The following PRKN variants were observed in gnomAD, a reference collection of about 807,000 sequenced individuals.
PRKN encodes E3 ubiquitin-protein ligase parkin.
PRKN carries 56 observed loss-of-function variants against 59.5 expected under a neutral mutation model. That is an observed-to-expected ratio of 0.94 (90% CI 0.76 to 1.18). PRKN has a LOEUF of 1.18. Ranked by LOEUF, PRKN falls within the 50% of genes most tolerant of loss-of-function variation. The pLI, the probability that PRKN is intolerant of heterozygous loss-of-function variation, is 0.00. For missense variants in PRKN, 657 were observed against 596.4 expected (o/e 1.10, Z -1.06); for synonymous variants, 250 against 222.1 (o/e 1.13, Z -1.12).
chr6:162,602,663 G>T (rs950876139), intron 1 of PRKN, among the ~76,000 whole-genome samples: 1 of 152,222 alleles, frequency 6.6e-6, no homozygotes, highest in Non-Finnish European at 1.5e-5. Context: ...TATCATAGAA[G>T]TGGGCTAGAA....
Position 161,402,054 on chromosome 6 carries a change from C to T in PRKN, c.1084-15177G>A, listed in dbSNP as rs1562422873. Among the ~76,000 whole-genome samples the T allele has an allele frequency of 6.6e-6, 1 of 152,140 alleles. No individual in the cohort carries two copies. Among genetic ancestry groups the T allele is most frequent in the Non-Finnish European group, 1.5e-5 (1 of 68,024 alleles). On this transcript the variant is annotated intron_variant, in intron 9 of 11. Coordinates refer to ENST00000366898, the MANE Select transcript of PRKN (RefSeq NM_004562.3). This position sits in a 1 kb window ranked among gnomAD's most constrained non-coding sequence, Gnocchi z 4.5. ...ATGCATCTCTGCCATGACTATCAGACAATGGTGAGAGCCAGAACCACTTAG... is the reference window on the plus strand; with the variant it reads ...ATGCATCTCTGCCATGACTATCAGATAATGGTGAGAGCCAGAACCACTTAG...
In PRKN at chr6:161,372,395, T is replaced by C. The variant is rs1343215734; in HGVS notation, c.1168-12190A>G. 6.6e-6 allele frequency among the ~76,000 whole-genome samples: 1 copy of C among 152,240 alleles called. No homozygotes were observed. Among genetic ancestry groups the C allele is most frequent in the East Asian group, 1.9e-4 (1 of 5,200 alleles). On this transcript the variant is annotated intron_variant, in intron 10 of 11. Coordinates refer to ENST00000366898, the MANE Select transcript of PRKN (RefSeq NM_004562.3). The surrounding 1 kb of genome is among the most constrained non-coding windows in gnomAD (Gnocchi z 4.2). The stretch of plus-strand genomic sequence containing the variant: ...AGGGGTCAAAGCCGACCACAGAGCC[T>C]ACCTTTTGTGCAAAGTATAGTTATT...
At chr6:162,147,344 GAAAAAAAA>G (rs767653516) in intron 4 of PRKN, among the ~76,000 whole-genome samples, 1 of 42,062 alleles carries the variant, frequency 2.4e-5, no homozygotes, top group African/African-American at 7.6e-5. Flanking sequence ...CTCTGTCTCA[GAAAAAAAA>G]AAAAAAAAAA....
At chr6:162,668,758 G>C (rs2128229784) in intron 1 of PRKN, among the ~76,000 whole-genome samples, 1 of 152,248 alleles carries the variant, frequency 6.6e-6, no homozygotes, top group South Asian at 2.1e-4. Context: ...GTGGCACCTG[G>C]TCATGAGAAG....
chr6:162,024,792 C>A (rs1442470495), intron 5 of PRKN, among the ~76,000 whole-genome samples: 1 of 152,030 alleles, frequency 6.6e-6, no homozygotes, highest in African/African-American at 2.4e-5. Flanking sequence ...TTGAGTTCAT[C>A]GAAGACCTGA....
intron 3 of PRKN, among the ~76,000 whole-genome samples, chr6:162,230,615 C>T (rs1778380115): frequency 6.6e-6 from 1 of 152,186 alleles, no homozygotes; most frequent in South Asian, 2.1e-4. Context: ...TGTTCTAATA[C>T]AGAACAGCAT....
chr6:162,609,643 C>A (rs1782062633), intron 1 of PRKN, among the ~76,000 whole-genome samples: 1 of 152,272 alleles, frequency 6.6e-6, no homozygotes, highest in Admixed American at 6.5e-5. Flanking sequence ...TCAACACAAA[C>A]TTTGGATATT....
rs73594241 is a variant in PRKN, at chr6:162,185,511, G to C, written c.534+15620C>G. 7.4e-3 allele frequency among the ~76,000 whole-genome samples: 1,126 copies of C among 152,274 alleles called. 10 individuals carry two copies. Among genetic ancestry groups the C allele is most frequent in the African/African-American group, 0.026 (1,063 of 41,544 alleles). ...AAACAACAGGAAGGACAAGAGTTTA[G>C]GTCAAGAGGTTCCGGTGTTATCTGC... On this transcript the variant is annotated intron_variant, in intron 4 of 11. Coordinates refer to ENST00000366898, the MANE Select transcript of PRKN (RefSeq NM_004562.3).
rs1024495940 is a variant in PRKN, at chr6:161,484,976, G to A, written c.1083+63878C>T. 6.6e-6 allele frequency among the ~76,000 whole-genome samples: 1 copy of A among 152,140 alleles called. No individual in the cohort carries two copies. The highest frequency in any genetic ancestry group is 1.5e-5 in the Non-Finnish European group (1 of 68,042). ...CCTGCTTCTTTGAGGCAAAAATCAG[G>A]TCGGACTAGCATCAGTGGCAAAGGA... On this transcript the variant is annotated intron_variant, in intron 9 of 11. Transcript: ENST00000366898. This position sits in a 1 kb window ranked among gnomAD's most constrained non-coding sequence, Gnocchi z 4.9.
chr6:161,411,692 CCACTCATTCCTTCCT>C lies in PRKN; in HGVS notation c.1084-24830_1084-24816del, dbSNP rs751042317. 1.6e-4 allele frequency among the ~76,000 whole-genome samples: 25 copies of C among 151,968 alleles called. 1 individual carries two copies. Among genetic ancestry groups the C allele is most frequent in the East Asian group, 3.9e-4 (2 of 5,144 alleles). The stretch of plus-strand genomic sequence containing the variant: ...CTCATTCCCCCACTTATGCATTCTT[CCACTCATTCCTTCCT>C]CACTCATTCCTTCCTCACTCATTCC... On this transcript the variant is annotated intron_variant, in intron 9 of 11. Transcript: ENST00000366898.
At chr6:162,249,505 C>T (rs187928901) in intron 3 of PRKN, among the ~76,000 whole-genome samples, 82 of 152,294 alleles carry the variant, frequency 5.4e-4, no homozygotes, top group African/African-American at 1.8e-3. Flanking sequence ...TATTAGAGTC[C>T]TGTTCCTGAG....
intron 7 of PRKN, among the ~76,000 whole-genome samples, chr6:161,664,512 A>G (rs182444401): frequency 6.7e-6 from 1 of 150,116 alleles, no homozygotes; most frequent in African/African-American, 2.4e-5. Context: ...CCTTTAAAAT[A>G]CAGCCTAATA....
chr6:161,931,109 C>T (rs921399553), intron 6 of PRKN, among the ~76,000 whole-genome samples: 5 of 152,130 alleles, frequency 3.3e-5, no homozygotes, highest in African/African-American at 9.7e-5. Flanking sequence ...TTTGAATGAA[C>T]GAATGAATGA....
intron 6 of PRKN, among the ~76,000 whole-genome samples, chr6:161,795,183 C>A (rs562993751): frequency 6.6e-6 from 1 of 150,970 alleles, no homozygotes; most frequent in Admixed American, 6.6e-5. Flanking sequence ...CGTGCCTGGC[C>A]TAACTTAGTA....
intron 2 of PRKN, among the ~76,000 whole-genome samples, chr6:162,334,576 G>A (rs1262650121): frequency 2.6e-5 from 4 of 152,146 alleles, no homozygotes; most frequent in African/African-American, 7.2e-5. Context: ...CTGGTCACCC[G>A]AAAGATACAC....
intron 9 of PRKN, among the ~76,000 whole-genome samples, chr6:161,408,442 T>A (rs1225413436): frequency 2.0e-5 from 3 of 151,134 alleles, no homozygotes; most frequent in African/African-American, 7.3e-5. Context: ...AAAAATCCCA[T>A]GTCCAGCCAC....
Position 161,957,405 on chromosome 6 carries a change from T to C in PRKN, c.734+15897A>G, listed in dbSNP as rs182868311. ...TCTGTTTTTATTTTTTTGTTGTTCT[T>C]GTTGTTTTTTTTTTGTTTGTTTGTT... On this transcript the variant is annotated intron_variant, in intron 6 of 11. Transcript: ENST00000366898. 2.9e-5 allele frequency among the ~76,000 whole-genome samples: 4 copies of C among 137,594 alleles called. No homozygotes were observed. In the East Asian group the frequency reaches 6.2e-4, roughly 21 times the overall value. The allele number at this position is 137,594 out of a possible 152,430, so 90.3% of individuals were successfully genotyped here.
At chr6:162,186,049 T>C (rs1422026285) in intron 4 of PRKN, among the ~76,000 whole-genome samples, 1 of 152,110 alleles carries the variant, frequency 6.6e-6, no homozygotes, top group Non-Finnish European at 1.5e-5. Context: ...CTGTGAACCT[T>C]GTATAGTTTT....
intron 10 of PRKN, among the ~76,000 whole-genome samples, chr6:161,365,624 A>G (rs1318951027): frequency 2.0e-5 from 3 of 152,156 alleles, no homozygotes; most frequent in African/African-American, 4.8e-5. Flanking sequence ...AAAGAAGAGA[A>G]ATAATTACTT....
Sources: gnomAD v4.1 joint callset for allele counts (sites outside exome capture counted in the v4.1 genomes callset) on GRCh38, gnomAD v4.1.1 for gene constraint, Gnocchi (gnomAD v3.1) non-coding constraint, MANE v1.5 for transcripts, NCBI Gene and HGNC (gene_info 2026-07-23, HGNC 2026-07-21) for gene names.